PTGIS: variants seen among roughly 807,000 people sequenced by gnomAD.
PTGIS encodes the protein prostaglandin I2 synthase.
PTGIS carries 45 observed loss-of-function variants against 50.3 expected under a neutral mutation model. The ratio of observed to expected loss-of-function variants is 0.90; its 90% CI spans 0.70 to 1.15. The LOEUF is 1.15. Among genes scored for constraint, PTGIS ranks in the 50% most tolerant of loss-of-function variants. PTGIS has a pLI of 0.00. For synonymous variants in PTGIS, 260 were observed against 267.7 expected, an observed-to-expected ratio of 0.97 and a Z score of 0.28; for missense variants, 668 against 661.3, an observed-to-expected ratio of 1.01 and a Z score of -0.11.
chr20:49,548,036 G>C lies in PTGIS; in HGVS notation c.199-17C>G, dbSNP rs1601198841. ...AACCAGTATCTGTGGGAAGTTGCCA[G>C]GGATAGAGTGAGGAGTGTCACTGTG... is the stretch of plus-strand genomic sequence containing the variant. On this transcript the variant is annotated splice_polypyrimidine_tract_variant and intron_variant, in intron 2 of 9. Transcript: ENST00000244043. 1 of 1,612,714 alleles carries C rather than the reference G, an allele frequency of 6.2e-7. No homozygotes were observed. The highest frequency in any genetic ancestry group is 2.2e-5 in the East Asian group (1 of 44,878).
intron 5 of PTGIS, among the ~76,000 whole-genome samples, chr20:49,529,345 T>C (rs1981875231): frequency 6.6e-6 from 1 of 152,178 alleles, no homozygotes; most frequent in African/African-American, 2.4e-5. Flanking sequence ...CACGTATAAA[T>C]GACATAATGC....
rs977702934 is a variant in PTGIS, at chr20:49,540,002, G to A, written c.522-281C>T. On this transcript the variant is annotated intron_variant, in intron 4 of 9. Transcript: ENST00000244043. This position sits in a 1 kb window ranked among gnomAD's most constrained non-coding sequence, Gnocchi z 4.8. ...CGCGGCACTGTCAGACACAAAGCTG[G>A]GTAGCAGGATGGGAGGGCGGGGGCT... 3.3e-5 allele frequency among the ~76,000 whole-genome samples: 5 copies of A among 152,234 alleles called. No homozygotes were observed. The highest frequency in any genetic ancestry group is 7.3e-5 in the Non-Finnish European group (5 of 68,028).
chr20:49,538,427 AAAAT>A (rs1486403808), intron 5 of PTGIS, among the ~76,000 whole-genome samples: 9 of 152,062 alleles, frequency 5.9e-5, no homozygotes, highest in Non-Finnish European at 8.8e-5. Flanking sequence ...CAAAAAACAA[AAAAT>A]AAATAAAAAC....
intron 1 of PTGIS, among the ~76,000 whole-genome samples, chr20:49,562,397 C>G (rs916968227): frequency 1.3e-5 from 2 of 152,168 alleles, no homozygotes; most frequent in African/African-American, 4.8e-5. Context: ...GAGGCGCAGA[C>G]AAAGGCAGGA....
At chr20:49,560,578 A>AG (rs147472507) in intron 1 of PTGIS, among the ~76,000 whole-genome samples, 8 of 152,092 alleles carry the variant, frequency 5.3e-5, no homozygotes, top group African/African-American at 1.4e-4. Flanking sequence ...TGAGACAGTG[A>AG]GGGGGGCTGG....
intron 5 of PTGIS, among the ~76,000 whole-genome samples, chr20:49,530,626 C>T (rs991965273): frequency 1.3e-5 from 2 of 152,130 alleles, no homozygotes; most frequent in African/African-American, 2.4e-5. Context: ...GTGGTGATAT[C>T]TCCTTGTGAT....
chr20:49,551,062 G>A (rs888241885), intron 1 of PTGIS, among the ~76,000 whole-genome samples: 4 of 152,098 alleles, frequency 2.6e-5, no homozygotes, highest in African/African-American at 7.2e-5. Context: ...AAATTAGCCA[G>A]GCATGGTCGT....
chr20:49,531,103 A>G (rs962078217), intron 5 of PTGIS, among the ~76,000 whole-genome samples: 7 of 152,102 alleles, frequency 4.6e-5, no homozygotes, highest in Non-Finnish European at 8.8e-5. Context: ...TTCCTTATCT[A>G]TTTTGGATGT....
chr20:49,516,053 T>C (rs1398528524), intron 6 of PTGIS, among the ~76,000 whole-genome samples: 1 of 151,522 alleles, frequency 6.6e-6, no homozygotes, highest in Non-Finnish European at 1.5e-5. Context: ...GTTTTTTTTT[T>C]TTTTTTGGTA....
intron 1 of PTGIS, among the ~76,000 whole-genome samples, chr20:49,559,963 C>T (rs189623789): frequency 5.2e-4 from 78 of 149,544 alleles, no homozygotes; most frequent in Non-Finnish European, 8.0e-4. Context: ...CTTGGTCTGT[C>T]GCCAAGGCTG....
At chr20:49,564,465 A>G (rs1222813226) in intron 1 of PTGIS, among the ~76,000 whole-genome samples, 1 of 152,086 alleles carries the variant, frequency 6.6e-6, no homozygotes, top group Non-Finnish European at 1.5e-5. Context: ...GTTAGCCAGG[A>G]TGGTCTCGAT....
chr20:49,527,181 C>T lies in PTGIS; in HGVS notation c.674-2942G>A, dbSNP rs139485115. 1.4e-3 allele frequency among the ~76,000 whole-genome samples: 209 copies of T among 151,654 alleles called. 3 individuals are homozygous for T. The South Asian group carries it at 0.025, about 18-fold the overall frequency. On this transcript the variant is annotated intron_variant, in intron 5 of 9. Coordinates refer to ENST00000244043, the MANE Select transcript of PTGIS (RefSeq NM_000961.4). The stretch of plus-strand genomic sequence containing the variant: ...CGCATATGCCAGGCATGGTGGCTCA[C>T]GCCTGCAATCCTAGCACCTTGGGAG...
In PTGIS at chr20:49,530,777, T is replaced by C. The variant is rs957859486; in HGVS notation, c.674-6538A>G. On this transcript the variant is annotated intron_variant, in intron 5 of 9. Coordinates refer to ENST00000244043, the MANE Select transcript of PTGIS (RefSeq NM_000961.4). ...CAGGTTATTTGGATTTTTGTGTTTTTTGAGGCAGAGTCTCGCTCTGTCGCC... is the reference window on the plus strand; with the variant it reads ...CAGGTTATTTGGATTTTTGTGTTTTCTGAGGCAGAGTCTCGCTCTGTCGCC... Among the ~76,000 whole-genome samples the C allele has an allele frequency of 5.3e-5, 8 of 152,336 alleles. No homozygotes were observed. In the South Asian group the frequency reaches 8.3e-4, roughly 16 times the overall value.
chr20:49,534,850 A>G (rs1055674317), intron 5 of PTGIS, among the ~76,000 whole-genome samples: 2 of 152,198 alleles, frequency 1.3e-5, no homozygotes, highest in African/African-American at 4.8e-5. Context: ...ACAAAAAAAT[A>G]CAAAAATTAA....
chr20:49,528,685 G>T (rs1476520321), intron 5 of PTGIS, among the ~76,000 whole-genome samples: 3 of 152,136 alleles, frequency 2.0e-5, no homozygotes, highest in Admixed American at 6.5e-5. Flanking sequence ...GTTTACATTT[G>T]TATATCCCTT....
At chr20:49,528,502 C>A (rs1168009090) in intron 5 of PTGIS, among the ~76,000 whole-genome samples, 1 of 152,056 alleles carries the variant, frequency 6.6e-6, no homozygotes, top group Non-Finnish European at 1.5e-5. Flanking sequence ...CGCCTGTAGT[C>A]CCAGCTACTC....
rs2122842138 is a variant in PTGIS at position 49,514,495 on chromosome 20, T to C, written c.856-100A>G. 5 of 1,418,502 alleles carry C rather than the reference T, an allele frequency of 3.5e-6. No homozygotes were observed. The East Asian group carries it at 1.2e-4, about 35-fold the overall frequency. 87.9% of individuals were successfully genotyped at this position (1,418,502 alleles called of 1,614,324 possible). The stretch of plus-strand genomic sequence containing the variant: ...GCCAAGACAGAGGGGCCAGTAGGCC[T>C]GGGTTCCCACTGCTGCCAAACACCC... On this transcript the variant is annotated intron_variant, in intron 6 of 9. Transcript: ENST00000244043.
chr20:49,527,435 C>G (rs1448793993), intron 5 of PTGIS, among the ~76,000 whole-genome samples: 1 of 151,686 alleles, frequency 6.6e-6, no homozygotes, highest in Non-Finnish European at 1.5e-5. Context: ...CCAGCCTGGG[C>G]GACAGAGACT....
At chr20:49,536,478 CTTTTTTT>C (rs761478359) in intron 5 of PTGIS, among the ~76,000 whole-genome samples, 21 of 108,638 alleles carry the variant, frequency 1.9e-4, no homozygotes, top group African/African-American at 7.4e-4. Context: ...TTCTTTCTTT[CTTTTTTT>C]TTTTTTTTTT....
Sources: allele counts gnomAD v4.1 joint callset (sites outside exome capture counted in the v4.1 genomes callset), GRCh38; gene constraint gnomAD v4.1.1; non-coding constraint Gnocchi (gnomAD v3.1); transcripts MANE v1.5; gene names NCBI Gene and HGNC (gene_info 2026-07-23, HGNC 2026-07-21).